The following LRP1B variants were observed in gnomAD, a reference collection of about 807,000 sequenced individuals.
LRP1B encodes low-density lipoprotein receptor-related protein 1B.
Under a neutral mutation model 556.6 loss-of-function variants are expected in LRP1B, and 217 were observed. That is an observed-to-expected ratio of 0.39 (90% confidence interval 0.35 to 0.44). The LOEUF is 0.44. Among genes scored for constraint, LRP1B ranks in the 20% least tolerant of loss-of-function variants. LRP1B has a pLI of 1.00. For synonymous variants in LRP1B, 2,047 were observed against 1,865.8 expected (o/e 1.10, Z -2.50); for missense variants, 5,053 against 5,620.8 (o/e 0.90, Z 3.23).
At chr2:141,358,489 A>G (rs1418010527) in intron 3 of LRP1B, among the ~76,000 whole-genome samples, 3 of 152,180 alleles carry the variant, frequency 2.0e-5, no homozygotes, top group African/African-American at 4.8e-5. Context: ...ATCAGGTGAG[A>G]TACCCTGAAA....
At chr2:142,026,349 A>T (rs372118347) in intron 1 of LRP1B, among the ~76,000 whole-genome samples, 63 of 152,176 alleles carry the variant, frequency 4.1e-4, no homozygotes, top group Middle Eastern at 6.8e-3. Context: ...AGCTGAAAAG[A>T]CACGCCAGGT....
intron 32 of LRP1B, among the ~76,000 whole-genome samples, chr2:140,779,530 A>G (rs1406757097): frequency 1.3e-5 from 2 of 151,970 alleles, no homozygotes; most frequent in Non-Finnish European, 2.9e-5. Context: ...CCCCGTCTCT[A>G]CTAAAAATAC....
intron 83 of LRP1B, among the ~76,000 whole-genome samples, chr2:140,307,059 GCAAAATCTGTCT>G (rs1684097953): frequency 6.6e-6 from 1 of 151,834 alleles, no homozygotes. Context: ...CCCTTACATA[GCAAAATCTGTCT>G]CAGTAAAAAT....
intron 66 of LRP1B, among the ~76,000 whole-genome samples, chr2:140,417,940 G>T (rs1452066034): frequency 6.6e-6 from 1 of 152,196 alleles, no homozygotes; most frequent in Non-Finnish European, 1.5e-5. Flanking sequence ...CCTCACTGAA[G>T]TAAGATGGGT....
At chr2:141,406,552 A>G (rs965435724) in intron 3 of LRP1B, among the ~76,000 whole-genome samples, 6 of 40,460 alleles carry the variant, frequency 1.5e-4, no homozygotes, top group Admixed American at 2.7e-4. Context: ...TCTATCATCT[A>G]TCTATCTATC....
At chr2:141,113,736 A>T (rs1314501996) in intron 7 of LRP1B, among the ~76,000 whole-genome samples, 4 of 124,204 alleles carry the variant, frequency 3.2e-5, no homozygotes, top group Admixed American at 8.8e-5. Flanking sequence ...ATGTTAATTT[A>T]TATTAATTTT....
Position 141,445,550 on chromosome 2 carries a change from G to A in LRP1B, c.343+34846C>T, listed in dbSNP as rs188209885. Among the ~76,000 whole-genome samples the A allele has an allele frequency of 9.2e-5, 14 of 152,282 alleles. No homozygotes were observed. The East Asian group carries it at 2.7e-3, about 29-fold the overall frequency. ...TTTTAGATCTTTCCTGCTTTCTCCTGTGGACATTTAGTGCTATAAATTTCC... is the reference window on the plus strand; with the variant it reads ...TTTTAGATCTTTCCTGCTTTCTCCTATGGACATTTAGTGCTATAAATTTCC... On this transcript the variant is annotated intron_variant, in intron 3 of 90. Coordinates refer to ENST00000389484, the MANE Select transcript of LRP1B (RefSeq NM_018557.3).
chr2:142,067,657 C>A (rs1057196486), intron 1 of LRP1B, among the ~76,000 whole-genome samples: 2 of 151,500 alleles, frequency 1.3e-5, no homozygotes, highest in African/African-American at 4.8e-5. Flanking sequence ...TTTTGGCCTG[C>A]ATTTACATTA....
chr2:141,540,801 G>A (rs1304892581), intron 2 of LRP1B, among the ~76,000 whole-genome samples: 1 of 152,052 alleles, frequency 6.6e-6, no homozygotes, highest in Middle Eastern at 3.4e-3. Flanking sequence ...CAGATTTCCT[G>A]TGTTAACATC....
intron 3 of LRP1B, among the ~76,000 whole-genome samples, chr2:141,399,357 A>G (rs1690362617): frequency 6.6e-6 from 1 of 152,182 alleles, no homozygotes; most frequent in Non-Finnish European, 1.5e-5. Context: ...CTAACTGCAC[A>G]TGCACTAGAC....
intron 3 of LRP1B, among the ~76,000 whole-genome samples, chr2:141,476,342 T>G (rs1682704043): frequency 1.3e-5 from 2 of 152,208 alleles, no homozygotes; most frequent in South Asian, 4.1e-4. Flanking sequence ...CTTCCATCAT[T>G]CTTTATATGG....
At chr2:141,804,881 C>G (rs1558887040) in intron 2 of LRP1B, among the ~76,000 whole-genome samples, 1 of 152,028 alleles carries the variant, frequency 6.6e-6, no homozygotes, top group Non-Finnish European at 1.5e-5. Context: ...AAAACTGAGC[C>G]TTGGAGCCAA....
intron 1 of LRP1B, among the ~76,000 whole-genome samples, chr2:142,041,067 G>A (rs958269170): frequency 2.0e-5 from 3 of 151,256 alleles, no homozygotes; most frequent in Non-Finnish European, 4.4e-5. Flanking sequence ...TATTTCCTTA[G>A]CCTGGAAAAA....
chr2:140,639,352 G>A (rs1175644998), intron 41 of LRP1B, among the ~76,000 whole-genome samples: 1 of 152,032 alleles, frequency 6.6e-6, no homozygotes, highest in African/African-American at 2.4e-5. Flanking sequence ...ACTACAACAC[G>A]TATTTTCTTT....
intron 84 of LRP1B, among the ~76,000 whole-genome samples, chr2:140,288,376 C>A (rs948528333): frequency 6.6e-6 from 1 of 151,672 alleles, no homozygotes; most frequent in Non-Finnish European, 1.5e-5. Flanking sequence ...AATTTAATTT[C>A]TTCTCTTTAA....
At chr2:140,244,458 T>C (rs1456370557) in intron 87 of LRP1B, among the ~76,000 whole-genome samples, 2 of 151,362 alleles carry the variant, frequency 1.3e-5, no homozygotes, top group Admixed American at 1.3e-4. Context: ...ACACTGATCA[T>C]TCAATGCTCA....
intron 1 of LRP1B, among the ~76,000 whole-genome samples, chr2:142,067,423 A>G (rs1705147773): frequency 6.6e-6 from 1 of 151,560 alleles, no homozygotes; most frequent in African/African-American, 2.4e-5. Flanking sequence ...ATCCAAATCC[A>G]AAATTTTTTC....
Position 140,358,739 on chromosome 2 carries a change from G to A in LRP1B, c.11257+82C>T, listed in dbSNP as rs1682360621. On this transcript the variant is annotated intron_variant, in intron 73 of 90. Coordinates refer to ENST00000389484, the MANE Select transcript of LRP1B (RefSeq NM_018557.3). ...GCCCTCAGATGTCCACATAAGAAAT[G>A]TATTTTTTAAAATGTTTGTACTCCA... 16 of 1,438,612 alleles carry A rather than the reference G, an allele frequency of 1.1e-5. No homozygotes were observed. In the South Asian group the frequency reaches 1.6e-4, roughly 15 times the overall value. The allele number at this position is 1,438,612 out of a possible 1,614,324, so 89.1% of individuals were successfully genotyped here.
chr2:140,426,167 C>T (rs143831960), intron 66 of LRP1B, among the ~76,000 whole-genome samples: 113 of 152,304 alleles, frequency 7.4e-4, no homozygotes, highest in African/African-American at 2.6e-3. Context: ...AGTGCCTTGA[C>T]ATTCAACCTT....
Sources: gnomAD v4.1 joint callset for allele counts (sites outside exome capture counted in the v4.1 genomes callset) on GRCh38, gnomAD v4.1.1 for gene constraint, MANE v1.5 for transcripts, NCBI Gene and HGNC (gene_info 2026-07-23, HGNC 2026-07-21) for gene names.